Variants in TXNL1 observed in about 807,000 individuals in gnomAD.
TXNL1 encodes the protein thioredoxin-like protein 1.
Under a neutral mutation model 35.5 loss-of-function variants are expected in TXNL1, and 14 were observed. The observed-to-expected ratio is 0.39, with a 90% CI of 0.26 to 0.62. TXNL1 has a LOEUF of 0.62. Ranked by LOEUF, TXNL1 falls within the 20% of genes least tolerant of loss-of-function variation. The probability of loss-of-function intolerance (pLI) is 0.47; values close to 1 mark genes in which losing one functional copy is unlikely to be tolerated. For synonymous variants in TXNL1, 110 were observed against 115.5 expected (o/e 0.95, Z 0.31); for missense variants, 263 against 349.7 (o/e 0.75, Z 1.98).
rs2023783970 is a variant in TXNL1, at chr18:56,599,538, T to G, written c.*3489A>C. 1.3e-5 allele frequency: 2 copies of G among 152,122 alleles called. No individual in the cohort carries two copies. Among genetic ancestry groups the G allele is most frequent in the South Asian group, 4.1e-4 (2 of 4,820 alleles). The allele number at this position is 152,122 out of a possible 1,614,324, so 9.4% of individuals were successfully genotyped here. ...AATGAGCAAAATATTCCTCTAGTTT[T>G]TCTTTAGCAGTTCTGTGAATGGATT... On this transcript the variant is annotated 3_prime_UTR_variant, in exon 8 of 8. Coordinates refer to ENST00000217515, the MANE Select transcript of TXNL1 (RefSeq NM_004786.3).
At chr18:56,624,556 T>C (rs1347311806) in intron 2 of TXNL1, 95 bp from the exon 3 acceptor site, 17 of 1,347,574 alleles carry the variant, frequency 1.3e-5, no homozygotes, top group Non-Finnish European at 1.7e-5. Flanking sequence ...ACCATAAGCA[T>C]GAACTAAAAA....
chr18:56,602,727 A>G lies in TXNL1; in HGVS notation c.*300T>C, dbSNP rs1320058462. 5 of 465,056 alleles carry G rather than the reference A, an allele frequency of 1.1e-5. No homozygotes were observed. The highest frequency in any genetic ancestry group is 4.0e-5 in the Admixed American group (1 of 25,100). 28.8% of individuals were successfully genotyped at this position (465,056 alleles called of 1,614,324 possible). On this transcript the variant is annotated 3_prime_UTR_variant, in exon 8 of 8. Coordinates refer to ENST00000217515, the MANE Select transcript of TXNL1 (RefSeq NM_004786.3). ...TTCTAAAGAAACTGGCTTTCAATCA[A>G]TATACTACCAGACACTTAAGTCTCT...
intron 4 of TXNL1, 38 bp from the exon 5 acceptor site, chr18:56,616,352 A>G: frequency 6.4e-7 from 1 of 1,568,110 alleles, no homozygotes; most frequent in Non-Finnish European, 8.8e-7. Context: ...GGGCTCTTGT[A>G]CACACCTTGA....
intron 3 of TXNL1, among the ~76,000 whole-genome samples, chr18:56,619,407 G>A (rs189118622): frequency 2.4e-4 from 36 of 150,844 alleles, no homozygotes; most frequent in Admixed American, 2.0e-3. Context: ...GCATGGTGGC[G>A]GGCACCTATA....
intron 2 of TXNL1, among the ~76,000 whole-genome samples, chr18:56,625,949 G>T (rs2024270992): frequency 6.6e-6 from 1 of 152,144 alleles, no homozygotes; most frequent in Non-Finnish European, 1.5e-5. Flanking sequence ...TAAAGTTTCT[G>T]CTCAGTGTGT....
At chr18:56,609,825 AAC>A (rs1463362348) in intron 7 of TXNL1, 1 of 152,214 alleles carries the variant, frequency 6.6e-6, no homozygotes, top group Non-Finnish European at 1.5e-5. Context: ...ATCTAGACAT[AAC>A]AGCTCTAAAG....
intron 5 of TXNL1, among the ~76,000 whole-genome samples, chr18:56,614,853 C>T (rs571738953): frequency 1.5e-4 from 23 of 152,274 alleles, no homozygotes; most frequent in Non-Finnish European, 2.4e-4. Context: ...TAAACAGACA[C>T]ACACACACAG....
At chr18:56,603,828 C>CA (rs1262346797) in intron 7 of TXNL1, among the ~76,000 whole-genome samples, 1 of 152,060 alleles carries the variant, frequency 6.6e-6, no homozygotes, top group Non-Finnish European at 1.5e-5. Flanking sequence ...ATTCTTAGGG[C>CA]AAAAATGCCT....
Position 56,598,636 on chromosome 18 carries a change from A to G in TXNL1, c.*4391T>C, listed in dbSNP as rs2144264114. 1 of 152,462 alleles carries G rather than the reference A, an allele frequency of 6.6e-6. No individual in the cohort carries two copies. Among genetic ancestry groups the G allele is most frequent in the Non-Finnish European group, 1.5e-5 (1 of 68,122 alleles). 9.4% of individuals were successfully genotyped at this position (152,462 alleles called of 1,614,324 possible). The stretch of plus-strand genomic sequence containing the variant: ...GTGGGGGATACATGAGAGAGGCCAG[A>G]GCAGAAACAAAGAGACAATTAGGAG... On this transcript the variant is annotated 3_prime_UTR_variant, in exon 8 of 8. Coordinates refer to ENST00000217515, the MANE Select transcript of TXNL1 (RefSeq NM_004786.3).
At position 56,629,542 on chromosome 18, in the gene TXNL1, T is replaced by C. The variant is rs750416624; in HGVS notation, c.99-3085A>G. Among the ~76,000 whole-genome samples the C allele has an allele frequency of 9.7e-4, 148 of 152,318 alleles. 1 individual carries two copies. The highest frequency in any genetic ancestry group is 1.6e-3 in the Non-Finnish European group (107 of 68,010). On this transcript the variant is annotated intron_variant, in intron 1 of 7. Coordinates refer to ENST00000217515, the MANE Select transcript of TXNL1 (RefSeq NM_004786.3). ...TTTAGGGGGGAAGAAAGTCTCATTA[T>C]AAAATGTTCTCTAGGATCACATTTC...
chr18:56,637,303 T>G (rs2024470936), intron 1 of TXNL1, among the ~76,000 whole-genome samples: 1 of 152,212 alleles, frequency 6.6e-6, no homozygotes, highest in Non-Finnish European at 1.5e-5. Context: ...TACAGTTATT[T>G]GGACAAGAAA....
intron 4 of TXNL1, 141 bp downstream of exon 4, chr18:56,617,863 A>G (rs2024115753): frequency 1.7e-6 from 2 of 1,180,318 alleles, no homozygotes; most frequent in Non-Finnish European, 2.4e-6. Context: ...AACAAAAGTC[A>G]AAGAAACTAA....
At chr18:56,621,542 A>C (rs777314997) in intron 3 of TXNL1, among the ~76,000 whole-genome samples, 2 of 152,200 alleles carry the variant, frequency 1.3e-5, no homozygotes, top group Non-Finnish European at 2.9e-5. Flanking sequence ...TGTTATAAAA[A>C]CTGTCTGGGA....
chr18:56,616,519 A>T (rs1473950347), intron 4 of TXNL1, among the ~76,000 whole-genome samples: 1 of 152,192 alleles, frequency 6.6e-6, no homozygotes, highest in Non-Finnish European at 1.5e-5. Context: ...TATGTATATA[A>T]GGGAATACAA....
chr18:56,615,216 C>G (rs906971918), intron 5 of TXNL1, among the ~76,000 whole-genome samples: 1 of 151,988 alleles, frequency 6.6e-6, no homozygotes, highest in African/African-American at 2.4e-5. Flanking sequence ...TATTTTGTGG[C>G]TGAAGAAGGA....
intron 1 of TXNL1, among the ~76,000 whole-genome samples, chr18:56,629,811 C>T (rs2024342806): frequency 6.6e-6 from 1 of 152,130 alleles, no homozygotes; most frequent in African/African-American, 2.4e-5. Context: ...CCTGCAAAAA[C>T]ACACACCAAA....
rs1056537840 is a variant in TXNL1, at chr18:56,597,884, C to A, written c.*5143G>T. On this transcript the variant is annotated 3_prime_UTR_variant, in exon 8 of 8. Transcript: ENST00000217515. The stretch of plus-strand genomic sequence containing the variant: ...CTGAACGTTCTGCTTCTCCTAAGAG[C>A]TACTTCTATATTCAATTGTAAAAGT... 6.6e-6 allele frequency: 1 copy of A among 152,356 alleles called. No individual in the cohort carries two copies. Among genetic ancestry groups the A allele is most frequent in the Non-Finnish European group, 1.5e-5 (1 of 68,036 alleles). 9.4% of individuals were successfully genotyped at this position (152,356 alleles called of 1,614,324 possible). A position where few individuals can be genotyped will look rare whatever the true frequency, so the allele number is the denominator to read the frequency against.
At position 56,602,347 on chromosome 18, in the gene TXNL1, T is replaced by C. The variant is rs2023821013; in HGVS notation, c.*680A>G. On this transcript the variant is annotated 3_prime_UTR_variant, in exon 8 of 8. Coordinates refer to ENST00000217515, the MANE Select transcript of TXNL1 (RefSeq NM_004786.3). Reference sequence around the variant, plus strand: ...TCTGAATTCACTATGCTGTATTTTTTCCCCAACTGTCTGATTTCCACATTC... The same window carrying C: ...TCTGAATTCACTATGCTGTATTTTTCCCCCAACTGTCTGATTTCCACATTC... 1 of 150,058 alleles carries C rather than the reference T, an allele frequency of 6.7e-6. No homozygotes were observed. Among genetic ancestry groups the C allele is most frequent in the Non-Finnish European group, 1.5e-5 (1 of 67,766 alleles). The allele number at this position is 150,058 out of a possible 1,614,324, so 9.3% of individuals were successfully genotyped here.
At chr18:56,634,572 T>A (rs966655688) in intron 1 of TXNL1, among the ~76,000 whole-genome samples, 2 of 152,208 alleles carry the variant, frequency 1.3e-5, no homozygotes, top group Non-Finnish European at 2.9e-5. Flanking sequence ...GAAAAGACAG[T>A]GTTTTCGATA....
Sources: allele counts gnomAD v4.1 joint callset (sites outside exome capture counted in the v4.1 genomes callset), GRCh38; gene constraint gnomAD v4.1.1; transcripts MANE v1.5; gene names NCBI Gene and HGNC (gene_info 2026-07-23, HGNC 2026-07-21).